Variants in POMP observed in about 807,000 individuals in gnomAD.
POMP encodes 2510048O06Rik.
A neutral mutation model predicts 20.6 loss-of-function variants in POMP; 12 were observed. That is an observed-to-expected ratio of 0.58 (90% CI 0.37 to 0.94). The LOEUF (loss-of-function observed/expected upper bound fraction) is 0.94. Ranked by LOEUF, POMP falls within the 40% of genes least tolerant of loss-of-function variation. POMP has a pLI of 0.01. For synonymous variants in POMP, 53 were observed against 55.0 expected, an observed-to-expected ratio of 0.96 and a Z score of 0.16; for missense variants, 136 against 161.1, an observed-to-expected ratio of 0.84 and a Z score of 0.84.
intron 4 of POMP, 45 bp from the exon 5 acceptor site, chr13:28,672,294 C>T (rs1369412501): frequency 2.1e-6 from 3 of 1,399,510 alleles, no homozygotes; most frequent in East Asian, 2.3e-5. Flanking sequence ...TGTCATTTTC[C>T]CCTGAGTTTT....
At chr13:28,672,837 T>C (rs1478540989) in intron 5 of POMP, among the ~76,000 whole-genome samples, 1 of 152,192 alleles carries the variant, frequency 6.6e-6, no homozygotes, top group Non-Finnish European at 1.5e-5. Context: ...GTCCTGAGCT[T>C]CAAGTGTAAT....
chr13:28,678,143 A>G lies in POMP; in HGVS notation c.*41A>G. On this transcript the variant is annotated 3_prime_UTR_variant, in exon 6 of 6. Transcript: ENST00000380842. ...GGAAACCGAGGGCTGCATCTTGTTT[A>G]TAGTCATCTTTGTACTGTAATTTGA... is the stretch of plus-strand genomic sequence containing the variant. The G allele has an allele frequency of 6.4e-7, 1 of 1,558,164 alleles. No individual in the cohort carries two copies. Among genetic ancestry groups the G allele is most frequent in the Middle Eastern group, 1.7e-4 (1 of 5,950 alleles).
chr13:28,660,708 C>T (rs1884323053), intron 1 of POMP, among the ~76,000 whole-genome samples: 1 of 152,164 alleles, frequency 6.6e-6, no homozygotes, highest in South Asian at 2.1e-4. Flanking sequence ...GATTCTTTTC[C>T]TCGTCCACCA....
At chr13:28,669,886 A>G (rs1543631) in intron 4 of POMP, among the ~76,000 whole-genome samples, 6,762 of 152,082 alleles carry the variant, frequency 0.044, 503 homozygotes, top group African/African-American at 0.15. Context: ...TGGGTGGATC[A>G]CTCAAGCTCA....
At chr13:28,662,589 A>C in intron 2 of POMP, 82 bp downstream of exon 2, 1 of 1,179,474 alleles carries the variant, frequency 8.5e-7, no homozygotes, top group Non-Finnish European at 1.3e-6. Context: ...GATAGGCTAT[A>C]CATGTGTATT....
chr13:28,667,209 C>T (rs1884464048), intron 3 of POMP, among the ~76,000 whole-genome samples: 1 of 152,122 alleles, frequency 6.6e-6, no homozygotes, highest in Non-Finnish European at 1.5e-5. Flanking sequence ...TCAAAATTTA[C>T]ATAAATTGAG....
At chr13:28,671,795 G>A (rs562071370) in intron 4 of POMP, among the ~76,000 whole-genome samples, 2 of 152,036 alleles carry the variant, frequency 1.3e-5, no homozygotes, top group African/African-American at 4.8e-5. Context: ...AGATTCTAAC[G>A]GTGTGATTAT....
chr13:28,659,310 C>G (rs1490173347), intron 1 of POMP, 123 bp downstream of exon 1: 4 of 1,458,792 alleles, frequency 2.7e-6, no homozygotes, highest in African/African-American at 2.8e-5. Flanking sequence ...GGGCTGAGGC[C>G]GGCCTCAGGC....
Position 28,678,280 on chromosome 13 carries a change from AC to A in POMP, c.*179del. The A allele has an allele frequency of 3.1e-6, 2 of 650,138 alleles. No homozygotes were observed. Among genetic ancestry groups the A allele is most frequent in the South Asian group, 3.4e-5 (2 of 59,374 alleles). 40.3% of individuals were successfully genotyped at this position (650,138 alleles called of 1,614,324 possible). Reference sequence around the variant, plus strand: ...TTACAGCCATGTGACAATTAAAAGCACTAAAGGGAGATCATGTTAAAGCTCT... The same window carrying A: ...TTACAGCCATGTGACAATTAAAAGCATAAAGGGAGATCATGTTAAAGCTCT... On this transcript the variant is annotated 3_prime_UTR_variant, in exon 6 of 6. Coordinates refer to ENST00000380842, the MANE Select transcript of POMP (RefSeq NM_015932.6).
intron 5 of POMP, among the ~76,000 whole-genome samples, chr13:28,673,849 T>C (rs1884589274): frequency 6.6e-6 from 1 of 152,218 alleles, no homozygotes; most frequent in African/African-American, 2.4e-5. Context: ...TGTCAGGCAC[T>C]GGGCTAGGCT....
intron 4 of POMP, 29 bp downstream of exon 4, chr13:28,668,603 T>G (rs1344880930): frequency 6.8e-7 from 1 of 1,468,804 alleles, no homozygotes; most frequent in Non-Finnish European, 9.5e-7. Flanking sequence ...GTTGCATATG[T>G]GTCGATATCA....
chr13:28,678,264 TGTG>T lies in POMP; in HGVS notation c.*163_*165del, dbSNP rs1489914492. 1 of 700,272 alleles carries T rather than the reference TGTG, an allele frequency of 1.4e-6. No homozygotes were observed. Among genetic ancestry groups the T allele is most frequent in the Non-Finnish European group, 2.6e-6 (1 of 390,708 alleles). The allele number at this position is 700,272 out of a possible 1,614,324, so 43.4% of individuals were successfully genotyped here. On this transcript the variant is annotated 3_prime_UTR_variant, in exon 6 of 6. Coordinates refer to ENST00000380842, the MANE Select transcript of POMP (RefSeq NM_015932.6). ...TGGAGGGGTCTTTGGTTTACAGCCA[TGTG>T]ACAATTAAAAGCACTAAAGGGAGAT...
At chr13:28,677,817 G>C (rs1225727456) in intron 5 of POMP, among the ~76,000 whole-genome samples, 1 of 152,084 alleles carries the variant, frequency 6.6e-6, no homozygotes, top group Non-Finnish European at 1.5e-5. Flanking sequence ...CATGGAACCT[G>C]GTCTCCTAAA....
intron 4 of POMP, among the ~76,000 whole-genome samples, chr13:28,670,939 C>T (rs1027949449): frequency 6.6e-6 from 1 of 152,010 alleles, no homozygotes; most frequent in African/African-American, 2.4e-5. Flanking sequence ...CCCAGCTACT[C>T]GGGAGGCTGA....
chr13:28,677,030 T>G (rs1884640252), intron 5 of POMP, among the ~76,000 whole-genome samples: 1 of 152,206 alleles, frequency 6.6e-6, no homozygotes, highest in African/African-American at 2.4e-5. Context: ...GTTACATAAA[T>G]GAGTATATTC....
At position 28,678,418 on chromosome 13, in the gene POMP, T is replaced by C; in HGVS notation, c.*316T>C. 1 of 311,190 alleles carries C rather than the reference T, an allele frequency of 3.2e-6. No individual in the cohort carries two copies. The highest frequency in any genetic ancestry group is 6.1e-6 in the Non-Finnish European group (1 of 163,806). The allele number at this position is 311,190 out of a possible 1,614,324, so 19.3% of individuals were successfully genotyped here. On this transcript the variant is annotated 3_prime_UTR_variant, in exon 6 of 6. Coordinates refer to ENST00000380842, the MANE Select transcript of POMP (RefSeq NM_015932.6). ...CTGTTTCTAGGTTTTTTTGTAAATTTAGTTTTGATTAAGCATTATAAGCAT... is the reference window on the plus strand; with the variant it reads ...CTGTTTCTAGGTTTTTTTGTAAATTCAGTTTTGATTAAGCATTATAAGCAT...
At chr13:28,672,787 A>C (rs898205853) in intron 5 of POMP, among the ~76,000 whole-genome samples, 1 of 152,194 alleles carries the variant, frequency 6.6e-6, no homozygotes, top group African/African-American at 2.4e-5. Context: ...CTAAGAGTAC[A>C]TAGTCATTTC....
chr13:28,673,419 G>C (rs903067009), intron 5 of POMP, among the ~76,000 whole-genome samples: 1 of 152,182 alleles, frequency 6.6e-6, no homozygotes, highest in Non-Finnish European at 1.5e-5. Context: ...ATGAATTTAA[G>C]TAAGAACAAT....
intron 3 of POMP, among the ~76,000 whole-genome samples, chr13:28,665,266 G>A (rs1884421477): frequency 6.6e-6 from 1 of 152,206 alleles, no homozygotes; most frequent in South Asian, 2.1e-4. Flanking sequence ...ACTACTTGGG[G>A]AAGATGATGC....
Sources: gnomAD v4.1 joint callset for allele counts (sites outside exome capture counted in the v4.1 genomes callset) on GRCh38, gnomAD v4.1.1 for gene constraint, MANE v1.5 for transcripts, NCBI Gene and HGNC (gene_info 2026-07-23, HGNC 2026-07-21) for gene names.